VTI1A: variants seen among roughly 807,000 people sequenced by gnomAD.
The protein encoded by VTI1A is vesicle transport through interaction with t-SNAREs 1A.
Under a neutral mutation model 34.9 loss-of-function variants are expected in VTI1A, and 22 were observed. That is an observed-to-expected ratio of 0.63 (90% CI 0.45 to 0.90). The LOEUF is 0.90. Ranked by LOEUF, VTI1A falls within the 40% of genes least tolerant of loss-of-function variation. The pLI, the probability that VTI1A is intolerant of heterozygous loss-of-function variation, is 0.00. For missense variants in VTI1A, 268 were observed against 275.6 expected, an observed-to-expected ratio of 0.97 and a Z score of 0.20; for synonymous variants, 87 against 97.3, an observed-to-expected ratio of 0.89 and a Z score of 0.62.
chr10:112,587,550 A>G (rs1405439775), intron 5 of VTI1A, among the ~76,000 whole-genome samples: 1 of 152,170 alleles, frequency 6.6e-6, no homozygotes, highest in Non-Finnish European at 1.5e-5. Flanking sequence ...GCTATGTTAA[A>G]CAGAATTTCT....
At chr10:112,709,591 C>T (rs1349419894) in intron 7 of VTI1A, among the ~76,000 whole-genome samples, 1 of 151,764 alleles carries the variant, frequency 6.6e-6, no homozygotes. Context: ...AAATCCTGCC[C>T]ATCTTTCAGT....
At chr10:112,659,339 T>C (rs542206501) in intron 5 of VTI1A, among the ~76,000 whole-genome samples, 4 of 152,346 alleles carry the variant, frequency 2.6e-5, no homozygotes, top group African/African-American at 9.6e-5. Context: ...TTCCTGCTGC[T>C]CAAGTCTCAT....
At chr10:112,662,249 G>A (rs377577888) in intron 5 of VTI1A, among the ~76,000 whole-genome samples, 3 of 151,996 alleles carry the variant, frequency 2.0e-5, no homozygotes, top group Non-Finnish European at 4.4e-5. Flanking sequence ...TATTCATACC[G>A]TTTTTTTGTC....
chr10:112,752,557 A>T (rs1010662771), intron 7 of VTI1A: 69 of 985,312 alleles, frequency 7.0e-5, no homozygotes, highest in Non-Finnish European at 8.2e-5. Context: ...TTCAGGGGGA[A>T]CATGCTTTGG....
intron 5 of VTI1A, among the ~76,000 whole-genome samples, chr10:112,574,341 G>A (rs1852254425): frequency 6.6e-6 from 1 of 152,196 alleles, no homozygotes; most frequent in Non-Finnish European, 1.5e-5. Flanking sequence ...AATATATTTA[G>A]TCTTAGGAAA....
intron 5 of VTI1A, among the ~76,000 whole-genome samples, chr10:112,541,421 G>A (rs1431418125): frequency 7.9e-5 from 12 of 152,122 alleles, no homozygotes; most frequent in Admixed American, 7.9e-4. Flanking sequence ...ATATTTAAGG[G>A]CTTAGAAACT....
intron 5 of VTI1A, among the ~76,000 whole-genome samples, chr10:112,623,202 C>T (rs1023450662): frequency 6.6e-6 from 1 of 152,018 alleles, no homozygotes; most frequent in Non-Finnish European, 1.5e-5. Context: ...TATAAAAGGC[C>T]CCTCTGTTTT....
At chr10:112,804,651 G>A (rs559883838) in intron 7 of VTI1A, among the ~76,000 whole-genome samples, 6 of 151,954 alleles carry the variant, frequency 3.9e-5, no homozygotes, top group Non-Finnish European at 8.8e-5. Flanking sequence ...TACTCTAATC[G>A]CGGCCTTTGT....
chr10:112,848,294 C>A, the VTI1A span, among the ~76,000 whole-genome samples: 2 of 152,210 alleles, frequency 1.3e-5, no homozygotes, highest in African/African-American at 2.4e-5. Context: ...TTCTGGGCCC[C>A]AGACTGGAGA....
chr10:112,849,936 G>T, the VTI1A span, among the ~76,000 whole-genome samples: 1 of 152,192 alleles, frequency 6.6e-6, no homozygotes, highest in Non-Finnish European at 1.5e-5. Flanking sequence ...GCTGGGAAGG[G>T]GTAGGGCTCC....
chr10:112,741,914 CT>C (rs1474135357), intron 7 of VTI1A, among the ~76,000 whole-genome samples: 1 of 152,092 alleles, frequency 6.6e-6, no homozygotes, highest in Non-Finnish European at 1.5e-5. Context: ...CTAGATTTAC[CT>C]TTGTGCAATA....
intron 7 of VTI1A, among the ~76,000 whole-genome samples, chr10:112,810,062 A>G (rs535817662): frequency 3.3e-5 from 5 of 152,182 alleles, no homozygotes; most frequent in African/African-American, 4.8e-5. Context: ...ATTTTCTCAT[A>G]TAAGTTAAAG....
intron 5 of VTI1A, among the ~76,000 whole-genome samples, chr10:112,664,724 A>G (rs1002218643): frequency 4.6e-5 from 7 of 152,132 alleles, no homozygotes; most frequent in Non-Finnish European, 7.4e-5. Context: ...CAAGGATATG[A>G]TTGATTCTGG....
chr10:112,769,677 C>T (rs1290333881), intron 7 of VTI1A, among the ~76,000 whole-genome samples: 4 of 152,176 alleles, frequency 2.6e-5, no homozygotes, highest in Non-Finnish European at 4.4e-5. Context: ...AGTTTCAATC[C>T]ATGCATCCCA....
At chr10:112,540,780 G>A (rs539308863) in intron 5 of VTI1A, among the ~76,000 whole-genome samples, 1 of 152,282 alleles carries the variant, frequency 6.6e-6, no homozygotes, top group Middle Eastern at 3.4e-3. Flanking sequence ...ATTTGTTAAA[G>A]TATCAGAACA....
intron 7 of VTI1A, among the ~76,000 whole-genome samples, chr10:112,801,972 G>T (rs1279667526): frequency 2.0e-5 from 3 of 152,252 alleles, no homozygotes; most frequent in African/African-American, 7.2e-5. Context: ...TTGCAGCTGG[G>T]TGTGGTGGCT....
chr10:112,684,462 A>T (rs1364517720), intron 7 of VTI1A, among the ~76,000 whole-genome samples: 1 of 136,134 alleles, frequency 7.3e-6, no homozygotes, highest in Non-Finnish European at 1.5e-5. Flanking sequence ...TTTTTGAGAC[A>T]GAGTCTCATT....
At chr10:112,533,680 A>G (rs2134241460) in intron 4 of VTI1A, 1 of 441,496 alleles carries the variant, frequency 2.3e-6, no homozygotes, top group South Asian at 9.6e-5. Flanking sequence ...AGTATCATTT[A>G]TATTGTTCAG....
At chr10:112,474,458 C>G (rs12264149) in intron 3 of VTI1A, among the ~76,000 whole-genome samples, 1 of 142,060 alleles carries the variant, frequency 7.0e-6, no homozygotes, top group Non-Finnish European at 1.6e-5. Flanking sequence ...TCATTCTTTC[C>G]TTTTTTTTTT....
Sources: allele counts gnomAD v4.1 joint callset (sites outside exome capture counted in the v4.1 genomes callset), GRCh38; gene constraint gnomAD v4.1.1; transcripts MANE v1.5; gene names NCBI Gene and HGNC (gene_info 2026-07-23, HGNC 2026-07-21).